HABP4: variants seen among roughly 807,000 people sequenced by gnomAD.
HABP4 encodes hyaluronan binding protein 4.
In HABP4, 32 loss-of-function variants were observed where a neutral mutation model predicts 44.1. The observed-to-expected ratio is 0.73, with a 90% CI of 0.55 to 0.97. The LOEUF (loss-of-function observed/expected upper bound fraction) is 0.97. HABP4 is among the 50% of genes least tolerant of loss of function. The pLI, the probability that HABP4 is intolerant of heterozygous loss-of-function variation, is 0.00. For missense variants in HABP4, 503 were observed against 561.9 expected (o/e 0.90, Z 1.06); for synonymous variants, 216 against 218.0 (o/e 0.99, Z 0.08).
intron 5 of HABP4, among the ~76,000 whole-genome samples, chr9:96,480,817 G>T (rs1227798665): frequency 6.6e-6 from 1 of 152,156 alleles, no homozygotes; most frequent in African/African-American, 2.4e-5. Context: ...CCAAACTCCT[G>T]TCGAATACAG....
At position 96,465,377 on chromosome 9, in the gene HABP4, C is replaced by T; in HGVS notation, c.553C>T (p.Arg185Cys). 6.2e-7 allele frequency: 1 copy of T among 1,609,282 alleles called. No individual in the cohort carries two copies. The highest frequency in any genetic ancestry group is 8.5e-7 in the Non-Finnish European group (1 of 1,175,674). Residue 185 changes from arginine (R) to cysteine (C), a missense_variant, in exon 3 of 8, where the codon CGT becomes TGT. Transcript: ENST00000375249. Reference sequence around the variant, plus strand: ...TGATCGAGACAGACCGTTGAGAGGACGTGGAGGCCCGAGAGGGGGTATGCG... The same window carrying T: ...TGATCGAGACAGACCGTTGAGAGGATGTGGAGGCCCGAGAGGGGGTATGCG... ...RFDRDRPLRG[R>C]GGPRGGMRGR...
intron 1 of HABP4, among the ~76,000 whole-genome samples, chr9:96,454,012 C>T (rs1224488316): frequency 6.6e-6 from 1 of 152,080 alleles, no homozygotes; most frequent in Non-Finnish European, 1.5e-5. Flanking sequence ...GAAATGTTTG[C>T]TTGATATTGA....
At chr9:96,464,428 A>C (rs1279467800) in intron 2 of HABP4, among the ~76,000 whole-genome samples, 1 of 152,220 alleles carries the variant, frequency 6.6e-6, no homozygotes, top group Non-Finnish European at 1.5e-5. Flanking sequence ...GAGAGTGCCC[A>C]CAAGGATAAG....
In HABP4 at chr9:96,455,912, C is replaced by T. The variant is rs561510567; in HGVS notation, c.350-2467C>T. ...TCTACTAAAAATACAAAACTTAGCCCGGTATGGTGGCACATGTCTGTAATC... is the reference window on the plus strand; with the variant it reads ...TCTACTAAAAATACAAAACTTAGCCTGGTATGGTGGCACATGTCTGTAATC... On this transcript the variant is annotated intron_variant, in intron 1 of 7. Coordinates refer to ENST00000375249, the MANE Select transcript of HABP4 (RefSeq NM_014282.4). Among the ~76,000 whole-genome samples, 9 of 150,806 alleles carry T rather than the reference C, an allele frequency of 6.0e-5. No homozygotes were observed. The South Asian group carries it at 1.5e-3, about 25-fold the overall frequency.
At chr9:96,486,914 A>G (rs1324582041) in intron 6 of HABP4, among the ~76,000 whole-genome samples, 4 of 151,994 alleles carry the variant, frequency 2.6e-5, no homozygotes, top group Admixed American at 2.6e-4. Context: ...CTGCAGTGGG[A>G]GGCGACTCAG....
intron 5 of HABP4, among the ~76,000 whole-genome samples, chr9:96,478,919 C>G (rs1305185325): frequency 6.6e-6 from 1 of 152,082 alleles, no homozygotes; most frequent in African/African-American, 2.4e-5. Context: ...GCCACCGTGT[C>G]TAGCTTCATT....
At chr9:96,475,523 A>G (rs1832773137) in intron 5 of HABP4, among the ~76,000 whole-genome samples, 1 of 152,222 alleles carries the variant, frequency 6.6e-6, no homozygotes, top group South Asian at 2.1e-4. Context: ...AGCTACTGCT[A>G]TTCTCACACT....
Position 96,491,074 on chromosome 9 carries a change from C to T in HABP4, c.*1036C>T, listed in dbSNP as rs1295821518. The T allele has an allele frequency of 1.3e-5, 2 of 152,422 alleles. No homozygotes were observed. Among genetic ancestry groups the T allele is most frequent in the South Asian group, 4.1e-4 (2 of 4,836 alleles). 9.4% of individuals were successfully genotyped at this position (152,422 alleles called of 1,614,324 possible). A position where few individuals can be genotyped will look rare whatever the true frequency, so the allele number is the denominator to read the frequency against. On this transcript the variant is annotated 3_prime_UTR_variant, in exon 8 of 8. Transcript: ENST00000375249. ...AGAGCCACACACGCCCGGGAACACA[C>T]ACTGTGCTGGGGAGGAAGTGGGCCT...
At chr9:96,461,209 A>G (rs1377084903) in intron 2 of HABP4, among the ~76,000 whole-genome samples, 1 of 152,254 alleles carries the variant, frequency 6.6e-6, no homozygotes, top group Non-Finnish European at 1.5e-5. Context: ...GAATGTACTT[A>G]ATGCCACAGA....
chr9:96,451,085 C>G (rs1003629790), intron 1 of HABP4, among the ~76,000 whole-genome samples: 1 of 152,026 alleles, frequency 6.6e-6, no homozygotes, highest in African/African-American at 2.4e-5. Context: ...CTCTGTGATG[C>G]CGGAGGCCTG....
chr9:96,482,388 C>T (rs535188271), intron 5 of HABP4, among the ~76,000 whole-genome samples: 1 of 152,286 alleles, frequency 6.6e-6, no homozygotes. Flanking sequence ...TTCAATGTTC[C>T]TTTTGCACCT....
chr9:96,473,430 G>A (rs1564165437), intron 5 of HABP4, among the ~76,000 whole-genome samples: 1 of 152,060 alleles, frequency 6.6e-6, no homozygotes, highest in South Asian at 2.1e-4. Context: ...CCTAAATACC[G>A]AGCATCACCA....
intron 6 of HABP4, among the ~76,000 whole-genome samples, chr9:96,486,863 C>T (rs1173721487): frequency 1.3e-5 from 2 of 152,020 alleles, no homozygotes; most frequent in Admixed American, 1.3e-4. Context: ...AGACTGTGTC[C>T]ACTCCCTGCT....
chr9:96,452,626 T>G (rs1412142483), intron 1 of HABP4, among the ~76,000 whole-genome samples: 1 of 152,138 alleles, frequency 6.6e-6, no homozygotes, highest in Non-Finnish European at 1.5e-5. Flanking sequence ...TTCAAGTTCT[T>G]TTTCAAGTAT....
chr9:96,489,471 T>C (rs190963421), intron 7 of HABP4, among the ~76,000 whole-genome samples: 13 of 150,832 alleles, frequency 8.6e-5, no homozygotes, highest in Non-Finnish European at 1.8e-4. Flanking sequence ...TTCCCTTTGC[T>C]CATCCATTGA....
intron 5 of HABP4, among the ~76,000 whole-genome samples, chr9:96,479,663 A>AC (rs1424126348): frequency 6.6e-6 from 1 of 151,992 alleles, no homozygotes. Flanking sequence ...GGTGCCTGCC[A>AC]CCATGCCCAG....
intron 1 of HABP4, among the ~76,000 whole-genome samples, chr9:96,456,384 T>C (rs1364663523): frequency 6.6e-6 from 1 of 152,122 alleles, no homozygotes; most frequent in African/African-American, 2.4e-5. Context: ...AAATATTAAA[T>C]GGGAAAATAG....
At chr9:96,451,950 G>A (rs1243695905) in intron 1 of HABP4, among the ~76,000 whole-genome samples, 1 of 152,118 alleles carries the variant, frequency 6.6e-6, no homozygotes, top group African/African-American at 2.4e-5. Context: ...TGAAAATGCC[G>A]GGTGTGGTGG....
At chr9:96,472,018 A>G (rs1222036981) in intron 5 of HABP4, among the ~76,000 whole-genome samples, 1 of 151,904 alleles carries the variant, frequency 6.6e-6, no homozygotes, top group Non-Finnish European at 1.5e-5. Context: ...TGAACTCCCA[A>G]CCTCAGGTGA....
Sources: gnomAD v4.1 joint callset for allele counts (sites outside exome capture counted in the v4.1 genomes callset) on GRCh38, gnomAD v4.1.1 for gene constraint, MANE v1.5 for transcripts, NCBI Gene and HGNC (gene_info 2026-07-23, HGNC 2026-07-21) for gene names.